The following PRUNE2 variants were observed in gnomAD, a reference collection of about 807,000 sequenced individuals.
PRUNE2 encodes prune homolog 2 with BCH domain.
PRUNE2 carries 164 observed loss-of-function variants against 252.0 expected under a neutral mutation model. That is an observed-to-expected ratio of 0.65 (90% CI 0.57 to 0.74). PRUNE2 has a LOEUF of 0.74. Among genes scored for constraint, PRUNE2 ranks in the 30% least tolerant of loss-of-function variants. The pLI, the probability that PRUNE2 is intolerant of heterozygous loss-of-function variation, is 0.00. For synonymous variants in PRUNE2, 1,292 were observed against 1,350.2 expected (o/e 0.96, Z 0.94); for missense variants, 3,495 against 3,711.0 (o/e 0.94, Z 1.51).
intron 1 of PRUNE2, among the ~76,000 whole-genome samples, chr9:76,866,512 A>G (rs1225009679): frequency 3.3e-5 from 5 of 152,252 alleles, no homozygotes; most frequent in Non-Finnish European, 7.3e-5. Flanking sequence ...CTGCCTATTC[A>G]TAAGTAGAAT....
chr9:76,641,870 T>C, intron 12 of PRUNE2: 1 of 1,371,698 alleles, frequency 7.3e-7, no homozygotes, highest in Non-Finnish European at 9.8e-7. Flanking sequence ...AGGAAAGATG[T>C]CACAGTCGCA....
chr9:76,653,800 G>C (rs549032230), intron 10 of PRUNE2, among the ~76,000 whole-genome samples: 1 of 152,220 alleles, frequency 6.6e-6, no homozygotes, highest in Non-Finnish European at 1.5e-5. Context: ...AATCTCGCTT[G>C]ACATTGGTTC....
At chr9:76,835,019 T>C (rs113022956) in intron 4 of PRUNE2, among the ~76,000 whole-genome samples, 5 of 152,236 alleles carry the variant, frequency 3.3e-5, no homozygotes, top group South Asian at 2.1e-4. Flanking sequence ...TAGCTATTCA[T>C]AGGCAGGGTA....
chr9:76,809,563 G>T (rs369148869), intron 6 of PRUNE2, among the ~76,000 whole-genome samples: 2 of 152,032 alleles, frequency 1.3e-5, no homozygotes, highest in African/African-American at 4.8e-5. Flanking sequence ...GGACGTGGTC[G>T]CGCGCACCTA....
intron 18 of PRUNE2, among the ~76,000 whole-genome samples, chr9:76,616,134 C>T (rs894965137): frequency 6.6e-6 from 1 of 152,144 alleles, no homozygotes; most frequent in African/African-American, 2.4e-5. Flanking sequence ...ACAATCTTGT[C>T]TCCTTTGGAA....
chr9:76,735,210 A>C (rs1258176474), intron 6 of PRUNE2, among the ~76,000 whole-genome samples: 1 of 152,166 alleles, frequency 6.6e-6, no homozygotes, highest in Non-Finnish European at 1.5e-5. Context: ...TCCTTAAGCA[A>C]AATTGAGTTG....
chr9:76,668,727 C>G (rs528577975), intron 9 of PRUNE2, among the ~76,000 whole-genome samples: 1 of 151,830 alleles, frequency 6.6e-6, no homozygotes, highest in Admixed American at 6.6e-5. Context: ...ACAGGAGGAC[C>G]GGCTTCATTC....
intron 10 of PRUNE2, among the ~76,000 whole-genome samples, chr9:76,654,117 C>CAAACA (rs907199752): frequency 2.0e-5 from 3 of 152,032 alleles, no homozygotes; most frequent in Non-Finnish European, 2.9e-5. Flanking sequence ...TGGTGTGTGG[C>CAAACA]AAACAAAACA....
intron 4 of PRUNE2, among the ~76,000 whole-genome samples, chr9:76,845,691 A>T (rs544393951): frequency 1.3e-5 from 2 of 152,316 alleles, no homozygotes; most frequent in Admixed American, 1.3e-4. Context: ...GAATTATTTC[A>T]ATCTGTTCAT....
At chr9:76,876,190 G>A (rs949446344) in intron 1 of PRUNE2, among the ~76,000 whole-genome samples, 41 of 152,168 alleles carry the variant, frequency 2.7e-4, no homozygotes, top group Non-Finnish European at 8.8e-5. Flanking sequence ...AACCATTTAA[G>A]TAGATAGATG....
chr9:76,678,572 A>G (rs1206277713), intron 9 of PRUNE2, among the ~76,000 whole-genome samples: 3 of 152,168 alleles, frequency 2.0e-5, no homozygotes, highest in Non-Finnish European at 4.4e-5. Context: ...GCACACGCCT[A>G]TAATCCCAGC....
intron 1 of PRUNE2, among the ~76,000 whole-genome samples, chr9:76,888,246 G>A (rs1260989822): frequency 1.3e-5 from 2 of 152,148 alleles, no homozygotes; most frequent in Non-Finnish European, 2.9e-5. Context: ...AAGGACTTCT[G>A]GGAAGATGGC....
At position 76,712,804 on chromosome 9, in the gene PRUNE2, C is replaced by T. The variant is rs114947041; in HGVS notation, c.915+759G>A. 6.9e-3 allele frequency among the ~76,000 whole-genome samples: 1,046 copies of T among 152,016 alleles called. 11 individuals are homozygous for T. The highest frequency in any genetic ancestry group is 0.024 in the African/African-American group (977 of 41,436). ...TTTCACATTCGGACTTGAGAGAGCC[C>T]GAGAGTACCCATAGGCATGGGTCAA... is the stretch of plus-strand genomic sequence containing the variant. On this transcript the variant is annotated intron_variant, in intron 7 of 18. Transcript: ENST00000376718.
chr9:76,725,038 TA>T (rs1242560911), intron 6 of PRUNE2, among the ~76,000 whole-genome samples: 1 of 151,332 alleles, frequency 6.6e-6, no homozygotes, highest in Non-Finnish European at 1.5e-5. Flanking sequence ...ATGTATAGAT[TA>T]AAAAAAAAGT....
intron 9 of PRUNE2, among the ~76,000 whole-genome samples, chr9:76,688,620 A>T (rs1390045561): frequency 6.6e-6 from 1 of 152,124 alleles, no homozygotes; most frequent in Non-Finnish European, 1.5e-5. Flanking sequence ...TCCCAGGAAC[A>T]GTTCCAGCCT....
chr9:76,868,272 A>G (rs771297610), intron 1 of PRUNE2, among the ~76,000 whole-genome samples: 8 of 151,674 alleles, frequency 5.3e-5, no homozygotes, highest in Non-Finnish European at 1.2e-4. Flanking sequence ...AAGCTATGAT[A>G]CCATTCGAAA....
chr9:76,837,830 GGC>G (rs2059124048), intron 4 of PRUNE2, among the ~76,000 whole-genome samples: 2 of 149,834 alleles, frequency 1.3e-5, no homozygotes, highest in Non-Finnish European at 1.5e-5. Flanking sequence ...GGAGTGCAGT[GGC>G]GCAATCTCGG....
Position 76,614,286 on chromosome 9 carries a change from A to G in PRUNE2, c.*284T>C, listed in dbSNP as rs563605714. 1 of 474,490 alleles carries G rather than the reference A, an allele frequency of 2.1e-6. No individual in the cohort carries two copies. Among genetic ancestry groups the G allele is most frequent in the African/African-American group, 2.0e-5 (1 of 49,566 alleles). The allele number at this position is 474,490 out of a possible 1,614,324, so 29.4% of individuals were successfully genotyped here. A position where few individuals can be genotyped will look rare whatever the true frequency, so the allele number is the denominator to read the frequency against. ...TAAACACCAGTCTAAGGGACAAAGTATCACTACACCGTGTTAATGAAGTAT... is the reference window on the plus strand; with the variant it reads ...TAAACACCAGTCTAAGGGACAAAGTGTCACTACACCGTGTTAATGAAGTAT... On this transcript the variant is annotated 3_prime_UTR_variant, in exon 19 of 19. Coordinates refer to ENST00000376718, the MANE Select transcript of PRUNE2 (RefSeq NM_015225.3).
chr9:76,696,442 T>TTTTG (rs749707206), intron 9 of PRUNE2, among the ~76,000 whole-genome samples: 7 of 152,038 alleles, frequency 4.6e-5, no homozygotes, highest in East Asian at 1.9e-4. Context: ...CCACTAGGTT[T>TTTTG]TTTGTTTGTT....
Sources: allele counts gnomAD v4.1 joint callset (sites outside exome capture counted in the v4.1 genomes callset), GRCh38; gene constraint gnomAD v4.1.1; transcripts MANE v1.5; gene names NCBI Gene and HGNC (gene_info 2026-07-23, HGNC 2026-07-21).